The following TPRA1 variants were observed in gnomAD, a reference collection of about 807,000 sequenced individuals.
TPRA1 encodes the protein transmembrane protein adipocyte-associated 1.
In TPRA1, 28 loss-of-function variants were observed where a neutral mutation model predicts 40.1. The ratio of observed to expected loss-of-function variants is 0.70; its 90% CI spans 0.52 to 0.96. The LOEUF (loss-of-function observed/expected upper bound fraction) is 0.96. Ranked by LOEUF, TPRA1 falls within the 40% of genes least tolerant of loss-of-function variation. TPRA1 has a pLI of 0.00. For missense variants in TPRA1, 441 were observed against 482.6 expected (o/e 0.91, Z 0.81); for synonymous variants, 219 against 209.7 (o/e 1.04, Z -0.38).
At chr3:127,577,197 C>T (rs1413426453) in intron 3 of TPRA1, 121 bp from the exon 4 acceptor site, 10 of 1,011,224 alleles carry the variant, frequency 9.9e-6, no homozygotes, top group Admixed American at 4.1e-5. Context: ...AGGAGGAAGG[C>T]GCAAAGTCAG....
At chr3:127,581,435 G>A (rs567076911) in intron 1 of TPRA1, among the ~76,000 whole-genome samples, 31 of 152,324 alleles carry the variant, frequency 2.0e-4, no homozygotes, top group East Asian at 3.9e-4. Context: ...CGTATGATCC[G>A]TGGAGAAATG....
intron 10 of TPRA1, 111 bp downstream of exon 10, chr3:127,575,074 A>G: frequency 8.5e-7 from 1 of 1,178,846 alleles, no homozygotes; most frequent in Non-Finnish European, 1.2e-6. Context: ...GTGCGTGCGC[A>G]TGCGCACTGT....
intron 3 of TPRA1, among the ~76,000 whole-genome samples, chr3:127,577,314 G>A (rs749338889): frequency 6.6e-6 from 1 of 152,208 alleles, no homozygotes; most frequent in Non-Finnish European, 1.5e-5. Context: ...CGGGGCCCCA[G>A]CTTCCTGGCT....
intron 3 of TPRA1, among the ~76,000 whole-genome samples, chr3:127,578,102 CTCAG>C (rs67197575): frequency 0.19 from 28,939 of 152,120 alleles, 3,409 homozygotes; most frequent in South Asian, 0.31. Flanking sequence ...TGCCCAGTTT[CTCAG>C]TCAAAAACTG....
In TPRA1 at chr3:127,580,010, T is replaced by A; in HGVS notation, c.125+12A>T. 6.2e-7 allele frequency: 1 copy of A among 1,613,322 alleles called. No homozygotes were observed. The highest frequency in any genetic ancestry group is 8.5e-7 in the Non-Finnish European group (1 of 1,179,998). On this transcript the variant is annotated intron_variant, in intron 2 of 10. Coordinates refer to ENST00000355552, the MANE Select transcript of TPRA1 (RefSeq NM_001136053.4). ...CACTCAGCGAGCCTGCCCAGCGTTGTGACTGCCTCACCTGGAGGTGCCAAT... is the reference window on the plus strand; with the variant it reads ...CACTCAGCGAGCCTGCCCAGCGTTGAGACTGCCTCACCTGGAGGTGCCAAT...
intron 9 of TPRA1, 65 bp from the exon 10 acceptor site, chr3:127,575,330 C>A: frequency 1.3e-6 from 2 of 1,584,350 alleles, no homozygotes; most frequent in Non-Finnish European, 1.7e-6. Flanking sequence ...CTCCCCATGC[C>A]CCCAGCGGGT....
intron 1 of TPRA1, among the ~76,000 whole-genome samples, chr3:127,589,642 T>C (rs2074107272): frequency 6.6e-6 from 1 of 152,042 alleles, no homozygotes; most frequent in Non-Finnish European, 1.5e-5. Context: ...AGCTGGTCCG[T>C]TCCTCAGGGC....
chr3:127,585,393 G>A (rs1006077384), intron 1 of TPRA1, among the ~76,000 whole-genome samples: 52 of 152,262 alleles, frequency 3.4e-4, no homozygotes, highest in African/African-American at 1.2e-3. Flanking sequence ...TTCACTCTAA[G>A]TGCAACCAGA....
At chr3:127,590,082 C>T (rs967897893) in intron 1 of TPRA1, among the ~76,000 whole-genome samples, 1 of 152,198 alleles carries the variant, frequency 6.6e-6, no homozygotes, top group Non-Finnish European at 1.5e-5. Flanking sequence ...GCCGCCACCC[C>T]GCGCCGGACC....
chr3:127,595,901 C>G (rs1223512443), intron 1 of TPRA1, among the ~76,000 whole-genome samples: 1 of 152,068 alleles, frequency 6.6e-6, no homozygotes, highest in East Asian at 1.9e-4. Context: ...TGTGAAGAAG[C>G]TTGGAAGGGG....
At chr3:127,586,500 A>C (rs2074004028) in intron 1 of TPRA1, among the ~76,000 whole-genome samples, 1 of 152,182 alleles carries the variant, frequency 6.6e-6, no homozygotes, top group Non-Finnish European at 1.5e-5. Flanking sequence ...CTAGGATCAC[A>C]AGTGTGCACC....
rs2073767305 is a variant in TPRA1 at position 127,579,791 on chromosome 3, C to T, written c.207G>A (p.Arg69=). Residue 69 remains arginine, a synonymous_variant, in exon 3 of 11, where the codon CGG becomes CGA. Coordinates refer to ENST00000355552, the MANE Select transcript of TPRA1 (RefSeq NM_001136053.4). ...GGCTGGAGGTGATGCGGATCTTCGCCCGAGCAGATGGAAGCTTCCAGAGCA... is the reference window on the plus strand; with the variant it reads ...GGCTGGAGGTGATGCGGATCTTCGCTCGAGCAGATGGAAGCTTCCAGAGCA... ...IFLLWKLPSA[R]AKIRITSSPI... is the part of the protein sequence containing the mutation. The T allele has an allele frequency of 6.2e-7, 1 of 1,614,080 alleles. No individual in the cohort carries two copies. Among genetic ancestry groups the T allele is most frequent in the Non-Finnish European group, 8.5e-7 (1 of 1,180,020 alleles).
At chr3:127,583,891 G>A (rs1015172476) in intron 1 of TPRA1, among the ~76,000 whole-genome samples, 3 of 151,812 alleles carry the variant, frequency 2.0e-5, no homozygotes, top group Non-Finnish European at 4.4e-5. Flanking sequence ...GGATGGTCTC[G>A]ATCTCCTGAC....
intron 1 of TPRA1, among the ~76,000 whole-genome samples, chr3:127,588,438 T>G (rs1361841099): frequency 6.8e-6 from 1 of 146,524 alleles, no homozygotes; most frequent in African/African-American, 2.5e-5. Context: ...TTTTTTTTTT[T>G]GAGACAGAGT....
rs1362273673 is a variant in TPRA1, at chr3:127,571,862, C to A, written c.*1659G>T. ...AAAAATTATAAAAATGGTCTCTTTT[C>A]TTCTGTTGATGCCTCTCTGCTCATT... On this transcript the variant is annotated 3_prime_UTR_variant, in exon 11 of 11. Coordinates refer to ENST00000355552, the MANE Select transcript of TPRA1 (RefSeq NM_001136053.4). 2.0e-5 allele frequency: 3 copies of A among 151,208 alleles called. No homozygotes were observed. The highest frequency in any genetic ancestry group is 7.2e-5 in the African/African-American group (3 of 41,394). 9.4% of individuals were successfully genotyped at this position (151,208 alleles called of 1,614,324 possible).
At position 127,576,029 on chromosome 3, in the gene TPRA1, G is replaced by A. The variant is rs767729369; in HGVS notation, c.520C>T (p.Pro174Ser). 1.5e-5 allele frequency: 25 copies of A among 1,613,876 alleles called. No individual in the cohort carries two copies. In the South Asian group the frequency reaches 2.7e-4, roughly 18 times the overall value. Residue 174 changes from proline (P) to serine (S), a missense_variant, in exon 7 of 11, where the codon CCT (proline) becomes TCT (serine). Transcript: ENST00000355552. The surrounding 1 kb of genome is among the most constrained non-coding windows in gnomAD (Gnocchi z 4.6). ...VTQGTLEILY[P>S]DAHLSAEDFN... ...TCCTCAGCTGAGAGATGGGCATCAG[G>A]GTACAGGATCTCCAGGGTCCCCTGC... is the stretch of plus-strand genomic sequence containing the variant.
rs2073531584 is a variant in TPRA1, at chr3:127,574,922, T to C, written c.854+263A>G. On this transcript the variant is annotated intron_variant, in intron 10 of 10. Transcript: ENST00000355552. ...CCCGTGTGTATCCGTATGTGCGTGT[T>C]TGTGTGTGCATGTGCATGTGTGCAT... The C allele has an allele frequency of 5.6e-6, 3 of 531,854 alleles. No individual in the cohort carries two copies. In the African/African-American group the frequency reaches 5.7e-5, roughly 10 times the overall value. The allele number at this position is 531,854 out of a possible 1,614,324, so 32.9% of individuals were successfully genotyped here.
At chr3:127,588,418 C>CT (rs34353913) in intron 1 of TPRA1, among the ~76,000 whole-genome samples, 7,386 of 132,450 alleles carry the variant, frequency 0.056, 422 homozygotes, top group African/African-American at 0.13. Flanking sequence ...GAAGCACTGA[C>CT]TTTTTTTTTT....
Position 127,581,442 on chromosome 3 carries a change from A to G in TPRA1, c.-17-1279T>C, listed in dbSNP as rs9838102. 4.6e-3 allele frequency among the ~76,000 whole-genome samples: 693 copies of G among 152,282 alleles called. 3 individuals are homozygous for G. Among genetic ancestry groups the G allele is most frequent in the African/African-American group, 0.015 (625 of 41,558 alleles). ...CCGACAGGCGTATGATCCGTGGAGAAATGCAGACAGGGCGCCTTTGGGGAG... is the reference window on the plus strand; with the variant it reads ...CCGACAGGCGTATGATCCGTGGAGAGATGCAGACAGGGCGCCTTTGGGGAG... On this transcript the variant is annotated intron_variant, in intron 1 of 10. Transcript: ENST00000355552.
Sources: gnomAD v4.1 joint callset for allele counts (sites outside exome capture counted in the v4.1 genomes callset) on GRCh38, gnomAD v4.1.1 for gene constraint, Gnocchi (gnomAD v3.1) non-coding constraint, MANE v1.5 for transcripts, NCBI Gene and HGNC (gene_info 2026-07-23, HGNC 2026-07-21) for gene names.